STK3: variants seen among roughly 807,000 people sequenced by gnomAD.
STK3 encodes serine/threonine kinase 3.
In STK3, 41 loss-of-function variants were observed where a neutral mutation model predicts 58.0. The ratio of observed to expected loss-of-function variants is 0.71; its 90% confidence interval spans 0.55 to 0.92. The LOEUF (loss-of-function observed/expected upper bound fraction) is 0.92, where lower values mean the gene tolerates loss of function less well. STK3 is among the 40% of genes least tolerant of loss of function. The pLI is 0.00. For synonymous variants in STK3, 170 were observed against 191.0 expected, an observed-to-expected ratio of 0.89 and a Z score of 0.91; for missense variants, 479 against 602.7, an observed-to-expected ratio of 0.79 and a Z score of 2.15.
intron 1 of STK3, among the ~76,000 whole-genome samples, chr8:98,801,390 A>G (rs1833535976): frequency 6.6e-6 from 1 of 152,124 alleles, no homozygotes; most frequent in Non-Finnish European, 1.5e-5. Flanking sequence ...CCCCTTCCAC[A>G]CTGTGGAAGC....
chr8:98,715,396 T>C (rs1826913719), intron 4 of STK3, among the ~76,000 whole-genome samples: 1 of 151,498 alleles, frequency 6.6e-6, no homozygotes, highest in Non-Finnish European at 1.5e-5. Flanking sequence ...GACAAAGGGC[T>C]AATATCCAGA....
intron 3 of STK3, among the ~76,000 whole-genome samples, chr8:98,404,697 A>AAAG (rs1369082595): frequency 6.0e-5 from 9 of 150,972 alleles, no homozygotes; most frequent in Middle Eastern, 6.8e-3. Context: ...AAAAAAAAAA[A>AAAG]AAATTTAGCT....
chr8:98,916,086 C>T (rs1433604264), intron 1 of STK3, among the ~76,000 whole-genome samples: 1 of 151,980 alleles, frequency 6.6e-6, no homozygotes, highest in Admixed American at 6.6e-5. Context: ...CAAGTGTCCT[C>T]AAAAGAAAGG....
At chr8:98,528,394 T>C (rs2131492520) in intron 9 of STK3, among the ~76,000 whole-genome samples, 1 of 152,284 alleles carries the variant, frequency 6.6e-6, no homozygotes, top group South Asian at 2.1e-4. Context: ...ATTGGATCCT[T>C]AAAGCCCCAG....
At chr8:98,919,872 G>A (rs1433499812) in intron 1 of STK3, among the ~76,000 whole-genome samples, 1 of 152,170 alleles carries the variant, frequency 6.6e-6, no homozygotes, top group African/African-American at 2.4e-5. Flanking sequence ...ACAGTCAAAG[G>A]ACTGCATGGG....
chr8:98,709,734 TTTAAC>T (rs746033248), intron 4 of STK3, among the ~76,000 whole-genome samples: 1 of 152,184 alleles, frequency 6.6e-6, no homozygotes, highest in South Asian at 2.1e-4. Context: ...TTTGATTAAA[TTTAAC>T]TTCTTTTCAT....
chr8:98,551,811 T>C (rs1811193983), intron 8 of STK3, among the ~76,000 whole-genome samples: 1 of 152,178 alleles, frequency 6.6e-6, no homozygotes, highest in African/African-American at 2.4e-5. Context: ...TAAATGTTAC[T>C]TTCTTTTAGA....
chr8:98,546,933 C>A (rs982007779), intron 9 of STK3, among the ~76,000 whole-genome samples: 1 of 152,116 alleles, frequency 6.6e-6, no homozygotes, highest in Non-Finnish European at 1.5e-5. Context: ...AAGAAAGCAG[C>A]AGTACTGAGC....
At chr8:98,833,410 G>A (rs1036433958) in intron 3 of STK3, among the ~76,000 whole-genome samples, 7 of 152,018 alleles carry the variant, frequency 4.6e-5, no homozygotes, top group African/African-American at 1.7e-4. Context: ...GGGAATAGAT[G>A]GTAAATGTCT....
chr8:98,356,630 C>G, the STK3 span, among the ~76,000 whole-genome samples: 1 of 152,100 alleles, frequency 6.6e-6, no homozygotes, highest in African/African-American at 2.4e-5. Flanking sequence ...ATACAAAAGT[C>G]AAATGAATTT....
chr8:98,708,500 T>A (rs1315715069), intron 4 of STK3, among the ~76,000 whole-genome samples: 2 of 150,940 alleles, frequency 1.3e-5, no homozygotes, highest in African/African-American at 4.9e-5. Flanking sequence ...ATTAGGAAAA[T>A]GGAAACACAA....
At chr8:98,510,442 C>A (rs1824419989) in intron 10 of STK3, among the ~76,000 whole-genome samples, 1 of 147,626 alleles carries the variant, frequency 6.8e-6, no homozygotes, top group Non-Finnish European at 1.5e-5. Flanking sequence ...CATTTTCAGC[C>A]CCTGTAACAT....
chr8:98,901,928 G>A (rs1030714283), intron 1 of STK3, among the ~76,000 whole-genome samples: 1 of 152,156 alleles, frequency 6.6e-6, no homozygotes, highest in South Asian at 2.1e-4. Context: ...TCAGAAGGAC[G>A]GACTTCACAT....
intron 6 of STK3, chr8:98,597,528 C>T (rs1815933689): frequency 1.0e-6 from 1 of 985,194 alleles, no homozygotes; most frequent in South Asian, 4.7e-5. Flanking sequence ...GTGTTCAGAA[C>T]AATGCTATAA....
chr8:98,588,718 A>G (rs2046085720), intron 7 of STK3, among the ~76,000 whole-genome samples: 3 of 150,942 alleles, frequency 2.0e-5, no homozygotes, highest in Admixed American at 6.6e-5. Context: ...CATTCTCCCC[A>G]TCACTTTCAG....
intron 10 of STK3, among the ~76,000 whole-genome samples, chr8:98,488,152 G>A (rs1163360484): frequency 1.3e-5 from 2 of 152,228 alleles, no homozygotes; most frequent in Admixed American, 6.5e-5. Flanking sequence ...GTGAGTGACA[G>A]CTGTGAAATA....
intron 1 of STK3, among the ~76,000 whole-genome samples, chr8:98,786,051 C>T (rs768734648): frequency 6.6e-6 from 1 of 152,102 alleles, no homozygotes; most frequent in Non-Finnish European, 1.5e-5. Flanking sequence ...TGACAAAGAA[C>T]TCAAAGCATG....
chr8:98,413,459 G>T, intron 3 of STK3: 1 of 589,100 alleles, frequency 1.7e-6, no homozygotes, highest in South Asian at 1.4e-5. Flanking sequence ...GTACTGTTCT[G>T]TAACTGCTCT....
chr8:98,357,411 C>G, the STK3 span, among the ~76,000 whole-genome samples: 4 of 152,222 alleles, frequency 2.6e-5, no homozygotes, highest in South Asian at 2.1e-4. Context: ...TGTCCAGACT[C>G]TAATGGGAGT....
Sources: allele counts gnomAD v4.1 joint callset (sites outside exome capture counted in the v4.1 genomes callset), GRCh38; gene constraint gnomAD v4.1.1; transcripts MANE v1.5; gene names NCBI Gene and HGNC (gene_info 2026-07-23, HGNC 2026-07-21).